SPON1: variants seen among roughly 807,000 people sequenced by gnomAD.
SPON1 encodes spondin-1.
Under a neutral mutation model 111.7 loss-of-function variants are expected in SPON1, and 52 were observed. The observed-to-expected ratio is 0.47, with a 90% CI of 0.37 to 0.59. The LOEUF (loss-of-function observed/expected upper bound fraction) is 0.59. Ranked by LOEUF, SPON1 falls within the 20% of genes least tolerant of loss-of-function variation. The probability of loss-of-function intolerance (pLI) is 0.00; values close to 1 mark genes in which losing one functional copy is unlikely to be tolerated. For synonymous variants in SPON1, 410 were observed against 395.8 expected (o/e 1.04, Z -0.43); for missense variants, 957 against 1,068.5 (o/e 0.90, Z 1.46).
intron 6 of SPON1, among the ~76,000 whole-genome samples, chr11:14,144,866 CT>C (rs1847700583): frequency 6.6e-6 from 1 of 151,986 alleles, no homozygotes; most frequent in Admixed American, 6.6e-5. Context: ...CAGATTGGGT[CT>C]GTTTTTTTAG....
intron 6 of SPON1, among the ~76,000 whole-genome samples, chr11:14,230,747 TTTTC>T (rs1461606834): frequency 3.4e-5 from 5 of 145,040 alleles, no homozygotes; most frequent in African/African-American, 1.0e-4. Context: ...TACTTTCCAT[TTTTC>T]TTTCTCTCTC....
intron 7 of SPON1, among the ~76,000 whole-genome samples, chr11:14,247,145 C>T (rs1401139642): frequency 6.6e-6 from 1 of 152,200 alleles, no homozygotes; most frequent in Admixed American, 6.5e-5. Context: ...TACTGGCTCA[C>T]ACCTGTAATC....
chr11:13,973,560 T>C (rs1175354961), intron 1 of SPON1, among the ~76,000 whole-genome samples: 1 of 152,260 alleles, frequency 6.6e-6, no homozygotes, highest in East Asian at 1.9e-4. Flanking sequence ...TTTATTGAGC[T>C]GCTGCAATGT....
At chr11:14,159,484 A>T (rs1057489259) in intron 6 of SPON1, among the ~76,000 whole-genome samples, 20 of 152,232 alleles carry the variant, frequency 1.3e-4, no homozygotes, top group African/African-American at 4.1e-4. Context: ...GAGGTTCCTT[A>T]AAAAACTGAA....
intron 14 of SPON1, among the ~76,000 whole-genome samples, chr11:14,262,227 C>G (rs1554941976): frequency 6.6e-6 from 1 of 152,158 alleles, no homozygotes; most frequent in African/African-American, 2.4e-5. Context: ...GAAAAGCTGC[C>G]AGGGTGTGTT....
At chr11:13,970,547 G>A (rs1273533637) in intron 1 of SPON1, among the ~76,000 whole-genome samples, 4 of 152,140 alleles carry the variant, frequency 2.6e-5, no homozygotes, top group Non-Finnish European at 5.9e-5. Flanking sequence ...ACAGCAGGAT[G>A]AACCAAATGG....
At chr11:14,116,532 G>A (rs1050478190) in intron 5 of SPON1, among the ~76,000 whole-genome samples, 5 of 152,054 alleles carry the variant, frequency 3.3e-5, no homozygotes, top group African/African-American at 9.7e-5. Flanking sequence ...TCAAGTGACT[G>A]TACATCTGTG....
chr11:14,113,537 G>A (rs541034408), intron 5 of SPON1, among the ~76,000 whole-genome samples: 120 of 143,082 alleles, frequency 8.4e-4, no homozygotes, highest in Non-Finnish European at 1.6e-3. Context: ...CAGGTCTTTG[G>A]AAAGCAAGTC....
At chr11:14,000,186 T>G (rs1156448277) in intron 2 of SPON1, among the ~76,000 whole-genome samples, 1 of 152,156 alleles carries the variant, frequency 6.6e-6, no homozygotes, top group Non-Finnish European at 1.5e-5. Context: ...TCCCTAGGCA[T>G]GGATATATGC....
At position 13,962,790 on chromosome 11, in the gene SPON1, CGAG is replaced by C; in HGVS notation, c.-114_-112del. The C allele has an allele frequency of 9.9e-7, 1 of 1,009,206 alleles. No homozygotes were observed. Among genetic ancestry groups the C allele is most frequent in the Non-Finnish European group, 1.4e-6 (1 of 735,650 alleles). The allele number at this position is 1,009,206 out of a possible 1,614,324, so 62.5% of individuals were successfully genotyped here. On this transcript the variant is annotated 5_prime_UTR_variant, in exon 1 of 16. Transcript: ENST00000576479. ...GTCTCCGAGTCGCGGACGCCAGCTC[CGAG>C]CTCCCTCTCTCCGCCGCGCCTCCGC... is the stretch of plus-strand genomic sequence containing the variant.
intron 3 of SPON1, among the ~76,000 whole-genome samples, chr11:14,044,504 C>T (rs557389839): frequency 7.9e-5 from 12 of 152,142 alleles, no homozygotes; most frequent in South Asian, 6.2e-4. Flanking sequence ...CCCAGATACT[C>T]GGGAGGCTGA....
intron 14 of SPON1, among the ~76,000 whole-genome samples, chr11:14,261,744 G>A (rs1849185473): frequency 6.6e-6 from 1 of 152,130 alleles, no homozygotes; most frequent in Non-Finnish European, 1.5e-5. Context: ...ATAGCCTTCT[G>A]ACTTAGAGTG....
chr11:14,004,170 TAC>T (rs538447519), intron 2 of SPON1, among the ~76,000 whole-genome samples: 4 of 150,906 alleles, frequency 2.7e-5, no homozygotes, highest in South Asian at 2.1e-4. Context: ...CACACACACA[TAC>T]ACACACACAC....
In SPON1 at chr11:14,063,020, TCTC is replaced by T. The variant is rs782262822; in HGVS notation, c.480-12324_480-12322del. Among the ~76,000 whole-genome samples, 84 of 152,168 alleles carry T rather than the reference TCTC, an allele frequency of 5.5e-4. 1 individual carries two copies. The highest frequency in any genetic ancestry group is 6.3e-4 in the South Asian group (3 of 4,794). ...CTCCTTCCCTCTTTTTTTCCTCTCT[TCTC>T]GGTGATTTCTACCTATCCTACTTTG... is the stretch of plus-strand genomic sequence containing the variant. On this transcript the variant is annotated intron_variant, in intron 3 of 15. Coordinates refer to ENST00000576479, the MANE Select transcript of SPON1 (RefSeq NM_006108.4).
intron 6 of SPON1, among the ~76,000 whole-genome samples, chr11:14,214,415 A>G (rs1239822479): frequency 6.6e-6 from 1 of 152,206 alleles, no homozygotes; most frequent in Non-Finnish European, 1.5e-5. Flanking sequence ...GCTCCTTACC[A>G]GAATGGAGAA....
At chr11:13,981,436 C>G (rs1249773264) in intron 1 of SPON1, among the ~76,000 whole-genome samples, 1 of 152,190 alleles carries the variant, frequency 6.6e-6, no homozygotes, top group Non-Finnish European at 1.5e-5. Context: ...ACACCATTCT[C>G]CTGTCTCAGC....
intron 3 of SPON1, among the ~76,000 whole-genome samples, chr11:14,066,007 C>T (rs782560958): frequency 4.6e-5 from 7 of 152,068 alleles, no homozygotes; most frequent in Non-Finnish European, 7.3e-5. Context: ...GGGAGGTCAC[C>T]GAATAGCAAG....
At chr11:14,133,613 G>A (rs1202423813) in intron 5 of SPON1, among the ~76,000 whole-genome samples, 1 of 152,166 alleles carries the variant, frequency 6.6e-6, no homozygotes. Flanking sequence ...GGCAGGGAGA[G>A]CAAGAGTTTC....
In SPON1 at chr11:14,027,248, G is replaced by A. The variant is rs191216513; in HGVS notation, c.346-14273G>A. Among the ~76,000 whole-genome samples the A allele has an allele frequency of 4.7e-3, 714 of 152,328 alleles. 5 individuals carry two copies. The highest frequency in any genetic ancestry group is 0.01 in the Middle Eastern group (3 of 294). ...TGGCTAGGAACAGTTTTCTTCGACT[G>A]ACCTCACTAGATGCCTCTTTCCAAA... On this transcript the variant is annotated intron_variant, in intron 2 of 15. Transcript: ENST00000576479.
Sources: gnomAD v4.1 joint callset for allele counts (sites outside exome capture counted in the v4.1 genomes callset) on GRCh38, gnomAD v4.1.1 for gene constraint, MANE v1.5 for transcripts, NCBI Gene and HGNC (gene_info 2026-07-23, HGNC 2026-07-21) for gene names.